The following ADAMTS6 variants were observed in gnomAD, a reference collection of about 807,000 sequenced individuals.
The protein encoded by ADAMTS6 is A disintegrin and metalloproteinase with thrombospondin motifs 6.
In ADAMTS6, 23 loss-of-function variants were observed where a neutral mutation model predicts 144.3. The observed-to-expected ratio is 0.16, with a 90% confidence interval of 0.11 to 0.23. The LOEUF is 0.23. ADAMTS6 is among the 10% of genes least tolerant of loss of function. The pLI is 1.00. For synonymous variants in ADAMTS6, 444 were observed against 457.5 expected (o/e 0.97, Z 0.38); for missense variants, 999 against 1,379.6 (o/e 0.72, Z 4.37).
intron 7 of ADAMTS6, among the ~76,000 whole-genome samples, chr5:65,370,431 G>C (rs1443237055): frequency 1.3e-5 from 2 of 152,210 alleles, no homozygotes; most frequent in African/African-American, 4.8e-5. Flanking sequence ...CCATGCGTGA[G>C]CCGAAGCAGG....
intron 7 of ADAMTS6, among the ~76,000 whole-genome samples, chr5:65,440,067 C>T: frequency 6.6e-6 from 1 of 152,134 alleles, no homozygotes; most frequent in East Asian, 1.9e-4. Context: ...CTCGGCGTCC[C>T]AAAGTGCTGG....
intron 9 of ADAMTS6, among the ~76,000 whole-genome samples, chr5:65,316,597 T>C (rs1745022412): frequency 6.6e-6 from 1 of 152,104 alleles, no homozygotes; most frequent in Non-Finnish European, 1.5e-5. Context: ...TTAAAAGAAA[T>C]TCACTTTAAA....
At chr5:65,470,116 G>A (rs995126125) in intron 3 of ADAMTS6, among the ~76,000 whole-genome samples, 1 of 152,036 alleles carries the variant, frequency 6.6e-6, no homozygotes, top group African/African-American at 2.4e-5. Context: ...AGAAATGGGT[G>A]CCTCGCCATG....
At chr5:65,372,899 C>A (rs1386684959) in intron 7 of ADAMTS6, among the ~76,000 whole-genome samples, 1 of 151,254 alleles carries the variant, frequency 6.6e-6, no homozygotes, top group East Asian at 1.9e-4. Flanking sequence ...GAAATTATAA[C>A]AAACTATCTC....
At chr5:65,222,589 T>C (rs765130026) in intron 18 of ADAMTS6, among the ~76,000 whole-genome samples, 4 of 152,262 alleles carry the variant, frequency 2.6e-5, no homozygotes, top group South Asian at 2.1e-4. Flanking sequence ...TTCAAGTAAA[T>C]AAATAATTGT....
intron 9 of ADAMTS6, among the ~76,000 whole-genome samples, chr5:65,306,261 A>T (rs1349368797): frequency 6.6e-6 from 1 of 152,246 alleles, no homozygotes; most frequent in Non-Finnish European, 1.5e-5. Flanking sequence ...TTAAGAAGAC[A>T]TGAACTCAAA....
At chr5:65,383,076 C>T (rs893674233) in intron 7 of ADAMTS6, among the ~76,000 whole-genome samples, 1 of 152,142 alleles carries the variant, frequency 6.6e-6, no homozygotes, top group African/African-American at 2.4e-5. Flanking sequence ...AGGACCTAGT[C>T]ACCTCCTGAA....
At chr5:65,444,752 G>A (rs1253152911) in intron 7 of ADAMTS6, among the ~76,000 whole-genome samples, 5 of 150,894 alleles carry the variant, frequency 3.3e-5, no homozygotes. Context: ...TACCACAGGT[G>A]CCAACGTTAT....
At chr5:65,230,331 A>T (rs1758069254) in intron 15 of ADAMTS6, among the ~76,000 whole-genome samples, 2 of 128,234 alleles carry the variant, frequency 1.6e-5, no homozygotes, top group Non-Finnish European at 3.1e-5. Flanking sequence ...ATAATACATT[A>T]TATATATGAA....
intron 15 of ADAMTS6, among the ~76,000 whole-genome samples, chr5:65,231,630 C>T (rs978394042): frequency 6.6e-6 from 1 of 152,044 alleles, no homozygotes; most frequent in Non-Finnish European, 1.5e-5. Context: ...TGTTAGGCCA[C>T]AAAACAAGTC....
intron 7 of ADAMTS6, among the ~76,000 whole-genome samples, chr5:65,383,784 C>T (rs1412461983): frequency 2.6e-5 from 4 of 152,118 alleles, no homozygotes; most frequent in East Asian, 1.9e-4. Context: ...CTAGTGGGGG[C>T]CCTCTATGGT....
At chr5:65,441,584 T>C (rs552290500) in intron 7 of ADAMTS6, among the ~76,000 whole-genome samples, 2 of 152,206 alleles carry the variant, frequency 1.3e-5, no homozygotes, top group South Asian at 2.1e-4. Context: ...CTAATTGATA[T>C]ATATAGAAAA....
intron 22 of ADAMTS6, among the ~76,000 whole-genome samples, chr5:65,174,608 C>T (rs1288969182): frequency 1.3e-5 from 2 of 152,100 alleles, no homozygotes; most frequent in African/African-American, 2.4e-5. Flanking sequence ...TGAGTGGAAG[C>T]GTGGCCTGAT....
intron 14 of ADAMTS6, among the ~76,000 whole-genome samples, chr5:65,243,835 A>AT (rs1219077080): frequency 6.6e-5 from 10 of 152,146 alleles, no homozygotes; most frequent in Admixed American, 6.5e-4. Context: ...AAAAACAAAC[A>AT]AATAATTTGA....
Position 65,242,166 on chromosome 5 carries a change from C to T in ADAMTS6, c.1871G>A (p.Cys624Tyr). Residue 624 changes from cysteine to tyrosine, a missense_variant, in exon 15 of 25, where the codon TGT becomes TAT. Cys to Tyr is a radical substitution (Grantham distance 194). Transcript: ENST00000381055. Reference sequence around the variant, plus strand: ...GAAAGGCATATTGTCAAAGTCTGCACACTGTTTCTCTCGAAAATCTCGGGA... The same window carrying T: ...GAAAGGCATATTGTCAAAGTCTGCATACTGTTTCTCTCGAAAATCTCGGGA... ...LGSRDFREKQ[C>Y]ADFDNMPFRG... The T allele has an allele frequency of 6.2e-7, 1 of 1,602,806 alleles. No individual in the cohort carries two copies. Among genetic ancestry groups the T allele is most frequent in the Non-Finnish European group, 8.5e-7 (1 of 1,172,848 alleles).
chr5:65,411,095 C>A (rs770534382), intron 7 of ADAMTS6, among the ~76,000 whole-genome samples: 1 of 152,166 alleles, frequency 6.6e-6, no homozygotes, highest in Non-Finnish European at 1.5e-5. Context: ...ACCTCAGCCT[C>A]CCAAAGTGCT....
At chr5:65,197,538 T>C (rs1471439157) in intron 20 of ADAMTS6, among the ~76,000 whole-genome samples, 1 of 152,252 alleles carries the variant, frequency 6.6e-6, no homozygotes, top group Non-Finnish European at 1.5e-5. Flanking sequence ...AATGATTGTA[T>C]ATTTATTTAA....
intron 2 of ADAMTS6, 96 bp from the exon 3 acceptor site, chr5:65,471,238 G>A (rs1252635691): frequency 8.0e-7 from 1 of 1,254,210 alleles, no homozygotes; most frequent in African/African-American, 1.6e-5. Context: ...CAACAACTAT[G>A]TCAATTAAAA....
intron 15 of ADAMTS6, among the ~76,000 whole-genome samples, chr5:65,237,559 A>G (rs992247837): frequency 1.3e-5 from 2 of 152,124 alleles, no homozygotes; most frequent in African/African-American, 2.4e-5. Context: ...GATAACACCA[A>G]TCCTAAAATT....
Sources: gnomAD v4.1 joint callset for allele counts (sites outside exome capture counted in the v4.1 genomes callset) on GRCh38, gnomAD v4.1.1 for gene constraint, MANE v1.5 for transcripts, NCBI Gene and HGNC (gene_info 2026-07-23, HGNC 2026-07-21) for gene names.